TRIM2: variants seen among roughly 807,000 people sequenced by gnomAD.
TRIM2 encodes the protein tripartite motif containing 2.
TRIM2 carries 20 observed loss-of-function variants against 75.2 expected under a neutral mutation model. The observed-to-expected ratio is 0.27, with a 90% CI of 0.19 to 0.39. TRIM2 has a LOEUF of 0.39. Ranked by LOEUF, TRIM2 falls within the 10% of genes least tolerant of loss-of-function variation. TRIM2 has a pLI of 1.00. For missense variants in TRIM2, 660 were observed against 990.8 expected, an observed-to-expected ratio of 0.67 and a Z score of 4.48; for synonymous variants, 373 against 388.3, an observed-to-expected ratio of 0.96 and a Z score of 0.46.
chr4:153,220,754 G>C (rs1317190697), intron 1 of TRIM2, among the ~76,000 whole-genome samples: 1 of 151,960 alleles, frequency 6.6e-6, no homozygotes, highest in African/African-American at 2.4e-5. Flanking sequence ...ATTTCTACAA[G>C]GAAGATACCC....
chr4:153,309,894 C>T (rs540203925), intron 6 of TRIM2: 12 of 152,286 alleles, frequency 7.9e-5, no homozygotes, highest in African/African-American at 2.9e-4. Context: ...TCCCAAAGTG[C>T]TGGGATTACA....
At chr4:153,225,874 T>G (rs1741969173) in intron 1 of TRIM2, among the ~76,000 whole-genome samples, 1 of 152,178 alleles carries the variant, frequency 6.6e-6, no homozygotes, top group South Asian at 2.1e-4. Flanking sequence ...TGGTTGTTTG[T>G]GGTTTTACTT....
In TRIM2 at chr4:153,338,688, T is replaced by G; in HGVS notation, c.*3722T>G. The G allele has an allele frequency of 1.0e-6, 1 of 985,692 alleles. No individual in the cohort carries two copies. Among genetic ancestry groups the G allele is most frequent in the East Asian group, 1.1e-4 (1 of 8,832 alleles). 61.1% of individuals were successfully genotyped at this position (985,692 alleles called of 1,614,324 possible). A position where few individuals can be genotyped will look rare whatever the true frequency, so the allele number is the denominator to read the frequency against. On this transcript the variant is annotated 3_prime_UTR_variant, in exon 12 of 12. Transcript: ENST00000338700. ...ATGATGCTTAAAAACTTTCTAAAGA[T>G]GAATTGTGTGGCAGTGATTGGTCTG... is the stretch of plus-strand genomic sequence containing the variant.
rs1772259856 is a variant in TRIM2, at chr4:153,334,839, T to C, written c.2189T>C (p.Leu730Ser). 1 of 1,612,922 alleles carries C rather than the reference T, an allele frequency of 6.2e-7. No individual in the cohort carries two copies. The highest frequency in any genetic ancestry group is 1.3e-5 in the African/African-American group (1 of 74,934). The change falls in exon 12 of 12, where the codon TTG becomes TCG. Residue 730 changes from leucine to serine, a missense_variant. Coordinates refer to ENST00000338700, the MANE Select transcript of TRIM2 (RefSeq NM_015271.5). ...GTTTTTGATGGGAGTGGATCATTTTTGTCCTACATTAACACATCTGCTGAC... is the reference window on the plus strand; with the variant it reads ...GTTTTTGATGGGAGTGGATCATTTTCGTCCTACATTAACACATCTGCTGAC... ...IQVFDGSGSF[L>S]SYINTSADPL...
At chr4:153,178,349 C>T (rs1397713140) in intron 1 of TRIM2, among the ~76,000 whole-genome samples, 2 of 152,102 alleles carry the variant, frequency 1.3e-5, no homozygotes, top group Non-Finnish European at 2.9e-5. Context: ...ATCCACTTGT[C>T]GATGACCAGT....
At chr4:153,155,240 AC>A (rs1466242542) in intron 1 of TRIM2, among the ~76,000 whole-genome samples, 1 of 152,230 alleles carries the variant, frequency 6.6e-6, no homozygotes, top group East Asian at 1.9e-4. Context: ...GTTAATAAAA[AC>A]CAGATGATGA....
rs914176923 is a variant in TRIM2, at chr4:153,244,156, C to T, written c.31-26179C>T. The stretch of plus-strand genomic sequence containing the variant: ...TCTTCTTCTTCTTGTTCTTCTTGTT[C>T]TTCTTCTTCTTCTTCTTCTTCTTCT... On this transcript the variant is annotated intron_variant, in intron 1 of 11. Coordinates refer to ENST00000338700, the MANE Select transcript of TRIM2 (RefSeq NM_015271.5). Among the ~76,000 whole-genome samples, 42 of 141,154 alleles carry T rather than the reference C, an allele frequency of 3.0e-4. 2 individuals carry two copies. In the East Asian group the frequency reaches 8.9e-3, roughly 30 times the overall value. The allele number at this position is 141,154 out of a possible 152,430, so 92.6% of individuals were successfully genotyped here. A position where few individuals can be genotyped will look rare whatever the true frequency, so the allele number is the denominator to read the frequency against.
At chr4:153,308,612 C>T in intron 6 of TRIM2, 1 of 638,932 alleles carries the variant, frequency 1.6e-6, no homozygotes, top group Non-Finnish European at 3.0e-6. Flanking sequence ...ATCTCATCCA[C>T]ACCTTTGGTC....
chr4:153,184,129 G>T (rs1732351543), intron 1 of TRIM2, among the ~76,000 whole-genome samples: 1 of 152,138 alleles, frequency 6.6e-6, no homozygotes, highest in South Asian at 2.1e-4. Flanking sequence ...AGCTCATGGG[G>T]GAGACAGGGT....
intron 1 of TRIM2, among the ~76,000 whole-genome samples, chr4:153,232,786 T>C (rs1743996934): frequency 6.6e-6 from 1 of 152,216 alleles, no homozygotes; most frequent in Non-Finnish European, 1.5e-5. Flanking sequence ...ATGTCTCCTT[T>C]CTCCTTTGTA....
chr4:153,282,487 G>A (rs1341753568), intron 3 of TRIM2, among the ~76,000 whole-genome samples: 1 of 152,310 alleles, frequency 6.6e-6, no homozygotes, highest in African/African-American at 2.4e-5. Context: ...GAGGCCAGGA[G>A]TTTGAGACAT....
At chr4:153,235,514 C>G (rs1400117528) in intron 1 of TRIM2, among the ~76,000 whole-genome samples, 1 of 151,882 alleles carries the variant, frequency 6.6e-6, no homozygotes, top group Non-Finnish European at 1.5e-5. Flanking sequence ...TCGAACTCCT[C>G]AACTTAAGTG....
chr4:153,234,805 T>A (rs967570452), intron 1 of TRIM2, among the ~76,000 whole-genome samples: 1 of 152,234 alleles, frequency 6.6e-6, no homozygotes, highest in Non-Finnish European at 1.5e-5. Flanking sequence ...ACCTTTCTTC[T>A]GAGCCTAGAA....
intron 1 of TRIM2, among the ~76,000 whole-genome samples, chr4:153,186,119 T>C (rs1317828589): frequency 1.3e-5 from 2 of 152,114 alleles, no homozygotes; most frequent in Admixed American, 1.3e-4. Flanking sequence ...CATCCTGCAA[T>C]GCACAGCACA....
chr4:153,295,697 T>G lies in TRIM2; in HGVS notation c.1171T>G (p.Tyr391Asp), dbSNP rs1762628343. The G allele has an allele frequency of 6.2e-7, 1 of 1,613,780 alleles. No homozygotes were observed. ...DGELCKTGNA[Y>D]LTAELSTPDG... Reference sequence around the variant, plus strand: ...TGAGCTGTGCAAAACCGGCAACGCCTACCTCACCGCCGAACTGAGCACCCC... The same window carrying G: ...TGAGCTGTGCAAAACCGGCAACGCCGACCTCACCGCCGAACTGAGCACCCC... Residue 391 changes from tyrosine to aspartate, a missense_variant, in exon 6 of 12, where the codon TAC becomes GAC. Transcript: ENST00000338700. This position sits in a 1 kb window ranked among gnomAD's most constrained non-coding sequence, Gnocchi z 7.2.
At chr4:153,270,902 TAA>T (rs1187208729) in intron 2 of TRIM2, among the ~76,000 whole-genome samples, 12 of 152,208 alleles carry the variant, frequency 7.9e-5, no homozygotes, top group African/African-American at 2.9e-4. Context: ...ACAAATCAGG[TAA>T]AACATCTGCA....
intron 1 of TRIM2, among the ~76,000 whole-genome samples, chr4:153,161,000 ATTTT>A (rs897552330): frequency 2.0e-5 from 3 of 152,114 alleles, no homozygotes; most frequent in African/African-American, 7.2e-5. Flanking sequence ...CTTTCAATTG[ATTTT>A]TATGTTTCCC....
rs1162890528 is a variant in TRIM2 at position 153,213,373 on chromosome 4, A to T, written c.30+8813A>T. Among the ~76,000 whole-genome samples the T allele has an allele frequency of 4.6e-5, 7 of 152,294 alleles. No individual in the cohort carries two copies. In the East Asian group the frequency reaches 7.7e-4, roughly 17 times the overall value. ...ATTTAACTTGTTTCAATTTTTTTCT[A>T]TCACAAATAATACAGCAATGAATGT... On this transcript the variant is annotated intron_variant, in intron 1 of 11. Coordinates refer to ENST00000338700, the MANE Select transcript of TRIM2 (RefSeq NM_015271.5).
upstream of TRIM2, among the ~76,000 whole-genome samples, chr4:153,200,929 G>A (rs1000092112): frequency 7.3e-5 from 11 of 151,526 alleles, no homozygotes; most frequent in African/African-American, 2.7e-4. Flanking sequence ...TGGGATTACA[G>A]GTATGAGCCA....
Sources: allele counts gnomAD v4.1 joint callset (sites outside exome capture counted in the v4.1 genomes callset), GRCh38; gene constraint gnomAD v4.1.1; non-coding constraint Gnocchi (gnomAD v3.1); transcripts MANE v1.5; gene names NCBI Gene and HGNC (gene_info 2026-07-23, HGNC 2026-07-21).